The following ZC3H18 variants were observed in gnomAD, a reference collection of about 807,000 sequenced individuals.
The protein encoded by ZC3H18 is zinc finger CCCH domain-containing protein 18.
Under a neutral mutation model 106.1 loss-of-function variants are expected in ZC3H18, and 8 were observed. The observed-to-expected ratio is 0.08, with a 90% CI of 0.04 to 0.14. The LOEUF (loss-of-function observed/expected upper bound fraction) is 0.14, where lower values mean the gene tolerates loss of function less well. Among genes scored for constraint, ZC3H18 ranks in the 10% least tolerant of loss-of-function variants. The pLI is 1.00. For synonymous variants in ZC3H18, 635 were observed against 522.1 expected (o/e 1.22, Z -2.95); for missense variants, 1,318 against 1,278.4 (o/e 1.03, Z -0.47).
chr16:88,600,682 G>A (rs533241579), intron 6 of ZC3H18, among the ~76,000 whole-genome samples: 16 of 152,188 alleles, frequency 1.1e-4, no homozygotes, highest in Non-Finnish European at 1.6e-4. Flanking sequence ...CAGAGTGCTG[G>A]GACTACAGGC....
Position 88,627,924 on chromosome 16 carries a change from A to G in ZC3H18, c.2274A>G (p.Lys758=). Reference sequence around the variant, plus strand: ...CTGCGGATTTATCATTGGTAGGAAAATCTAAGAAAGAAGACGGTGTTAAAG... The same window carrying G: ...CTGCGGATTTATCATTGGTAGGAAAGTCTAAGAAAGAAGACGGTGTTAAAG... ...APAQTRKEKG[K]SKKEDGVKEE... is the part of the protein sequence containing the mutation. The change falls in exon 15 of 18, where the codon AAA becomes AAG. Residue 758 remains lysine, a synonymous_variant. Transcript: ENST00000301011. The surrounding 1 kb of genome is among the most constrained non-coding windows in gnomAD (Gnocchi z 4.5). 6.2e-7 allele frequency: 1 copy of G among 1,614,014 alleles called. No homozygotes were observed. Among genetic ancestry groups the G allele is most frequent in the Admixed American group, 1.7e-5 (1 of 60,030 alleles).
intron 1 of ZC3H18, among the ~76,000 whole-genome samples, chr16:88,575,565 C>T (rs1415847510): frequency 2.6e-5 from 4 of 152,096 alleles, no homozygotes; most frequent in Admixed American, 2.0e-4. Flanking sequence ...CACCTTCCTA[C>T]CCGTCTTAAC....
At chr16:88,574,122 G>A (rs1247741543) in intron 1 of ZC3H18, among the ~76,000 whole-genome samples, 2 of 151,992 alleles carry the variant, frequency 1.3e-5, no homozygotes, top group East Asian at 1.9e-4. Flanking sequence ...TGATCCACCC[G>A]CGTCAGTCTT....
intron 12 of ZC3H18, 124 bp downstream of exon 12, chr16:88,624,869 C>G: frequency 1.5e-6 from 2 of 1,361,786 alleles, no homozygotes. Flanking sequence ...GCCCCCTAGC[C>G]GAGCAGCACC....
intron 2 of ZC3H18, among the ~76,000 whole-genome samples, chr16:88,584,603 C>G (rs974310127): frequency 2.0e-5 from 3 of 152,144 alleles, no homozygotes; most frequent in African/African-American, 4.8e-5. Context: ...GCCCCTGGTC[C>G]TTGCGGGTGT....
At chr16:88,602,489 A>T (rs894086287) in intron 6 of ZC3H18, among the ~76,000 whole-genome samples, 10 of 152,344 alleles carry the variant, frequency 6.6e-5, no homozygotes, top group South Asian at 4.1e-4. Flanking sequence ...GTGAGAGGTC[A>T]GATTCTTAGC....
In ZC3H18 at chr16:88,581,545, G is replaced by C. The variant is rs183640411; in HGVS notation, c.603+3819G>C. ...AAGTGCCGCTGGCCTGCGTGGTGGG[G>C]TGGAAAGTTTCCGTACAGGGCTGGG... On this transcript the variant is annotated intron_variant, in intron 2 of 17. Coordinates refer to ENST00000301011, the MANE Select transcript of ZC3H18 (RefSeq NM_144604.4). Among the ~76,000 whole-genome samples, 214 of 152,340 alleles carry C rather than the reference G, an allele frequency of 1.4e-3. 1 individual carries two copies. The highest frequency in any genetic ancestry group is 5.1e-3 in the African/African-American group (212 of 41,566).
At chr16:88,603,832 A>C in intron 6 of ZC3H18, among the ~76,000 whole-genome samples, 1 of 145,286 alleles carries the variant, frequency 6.9e-6, no homozygotes. Flanking sequence ...ATGGGGTTTC[A>C]CCATGTTAGC....
At chr16:88,620,449 T>C (rs1229992871) in intron 8 of ZC3H18, among the ~76,000 whole-genome samples, 1 of 151,996 alleles carries the variant, frequency 6.6e-6, no homozygotes, top group Non-Finnish European at 1.5e-5. Context: ...GGTGTGGTGG[T>C]GCACACCTGC....
chr16:88,623,479 C>T (rs1906098821), intron 10 of ZC3H18, 135 bp downstream of exon 10: 3 of 1,235,776 alleles, frequency 2.4e-6, no homozygotes, highest in Admixed American at 5.1e-5. Flanking sequence ...CTAGGATGGC[C>T]AGGGGGTCGT....
intron 3 of ZC3H18, among the ~76,000 whole-genome samples, chr16:88,590,480 G>A (rs539850342): frequency 1.8e-4 from 28 of 151,608 alleles, no homozygotes; most frequent in South Asian, 8.3e-4. Flanking sequence ...GGCCTGTGTT[G>A]GATCATCAGG....
chr16:88,593,304 G>A (rs1308062261), intron 3 of ZC3H18, among the ~76,000 whole-genome samples: 2 of 152,152 alleles, frequency 1.3e-5, no homozygotes, highest in Non-Finnish European at 2.9e-5. Flanking sequence ...TACCCCCAAC[G>A]GTTGTTGGCC....
At chr16:88,596,159 C>T (rs1904426949) in intron 3 of ZC3H18, among the ~76,000 whole-genome samples, 1 of 152,200 alleles carries the variant, frequency 6.6e-6, no homozygotes, top group African/African-American at 2.4e-5. Context: ...CGCTCGCCTT[C>T]TCAGCTTGCT....
chr16:88,570,932 T>A (rs548235126), intron 1 of ZC3H18, among the ~76,000 whole-genome samples: 510 of 152,354 alleles, frequency 3.3e-3, no homozygotes, highest in Non-Finnish European at 5.9e-3. Context: ...GGCGCCCAGA[T>A]TCACCTCCAG....
chr16:88,599,519 A>G (rs1340201525), intron 5 of ZC3H18, among the ~76,000 whole-genome samples: 8 of 152,174 alleles, frequency 5.3e-5, no homozygotes, highest in Admixed American at 5.2e-4. Context: ...TGAACCCTGG[A>G]TCTAGTTCCA....
intron 3 of ZC3H18, among the ~76,000 whole-genome samples, chr16:88,587,027 C>T (rs775808799): frequency 2.6e-5 from 4 of 152,110 alleles, no homozygotes; most frequent in South Asian, 2.1e-4. Context: ...TTCATAAGGC[C>T]GAATGTTCTA....
chr16:88,597,137 G>T (rs1330022902), intron 3 of ZC3H18, among the ~76,000 whole-genome samples: 1 of 152,140 alleles, frequency 6.6e-6, no homozygotes, highest in Non-Finnish European at 1.5e-5. Context: ...TAGCCAGGAT[G>T]GTCTTGATCT....
At chr16:88,598,369 T>C in intron 4 of ZC3H18, 43 bp downstream of exon 4, 1 of 1,567,738 alleles carries the variant, frequency 6.4e-7, no homozygotes, top group Non-Finnish European at 8.6e-7. Context: ...ATCAGCCAAC[T>C]GAGCTGTGTC....
At chr16:88,620,804 C>T (rs1208783512) in intron 8 of ZC3H18, among the ~76,000 whole-genome samples, 1 of 151,970 alleles carries the variant, frequency 6.6e-6, no homozygotes, top group Admixed American at 6.6e-5. Flanking sequence ...GGAGTTTACC[C>T]TTTAAAAAGT....
Sources: gnomAD v4.1 joint callset for allele counts (sites outside exome capture counted in the v4.1 genomes callset) on GRCh38, gnomAD v4.1.1 for gene constraint, Gnocchi (gnomAD v3.1) non-coding constraint, MANE v1.5 for transcripts, NCBI Gene and HGNC (gene_info 2026-07-23, HGNC 2026-07-21) for gene names.